Variants in SSBP2 observed in about 807,000 individuals in gnomAD.
SSBP2 encodes the protein single stranded DNA binding protein 2.
A neutral mutation model predicts 61.8 loss-of-function variants in SSBP2; 17 were observed. The observed-to-expected ratio is 0.28, with a 90% CI of 0.19 to 0.41. The LOEUF (loss-of-function observed/expected upper bound fraction) is 0.41, where lower values mean the gene tolerates loss of function less well. SSBP2 is among the 10% of genes least tolerant of loss of function. The probability of loss-of-function intolerance (pLI) is 1.00; values close to 1 mark genes in which losing one functional copy is unlikely to be tolerated. For missense variants in SSBP2, 310 were observed against 458.7 expected, an observed-to-expected ratio of 0.68 and a Z score of 2.96; for synonymous variants, 139 against 141.3, an observed-to-expected ratio of 0.98 and a Z score of 0.12.
intron 4 of SSBP2, among the ~76,000 whole-genome samples, chr5:81,583,576 C>A (rs1189046922): frequency 6.6e-6 from 1 of 150,648 alleles, no homozygotes; most frequent in Admixed American, 6.6e-5. Context: ...CTTGCAGTGA[C>A]CCGAGATTGC....
At position 81,420,395 on chromosome 5, in the gene SSBP2, G is replaced by T; in HGVS notation, c.*109C>A. 2 of 1,118,104 alleles carry T rather than the reference G, an allele frequency of 1.8e-6. No individual in the cohort carries two copies. The highest frequency in any genetic ancestry group is 1.3e-5 in the South Asian group (1 of 75,720). 69.3% of individuals were successfully genotyped at this position (1,118,104 alleles called of 1,614,324 possible). A position where few individuals can be genotyped will look rare whatever the true frequency, so the allele number is the denominator to read the frequency against. ...GGAAATAAAAAGGTTGGTTTGGTGT[G>T]ACTGAGATTCCTTTGTTTAACTGTA... is the stretch of plus-strand genomic sequence containing the variant. On this transcript the variant is annotated 3_prime_UTR_variant, in exon 17 of 17. Transcript: ENST00000320672.
At chr5:81,533,121 G>A (rs1770543841) in intron 4 of SSBP2, among the ~76,000 whole-genome samples, 1 of 151,728 alleles carries the variant, frequency 6.6e-6, no homozygotes, top group African/African-American at 2.4e-5. Context: ...CACCAAAATA[G>A]ACCATATTCT....
intron 4 of SSBP2, among the ~76,000 whole-genome samples, chr5:81,582,240 ATAAAG>A (rs1774712039): frequency 6.6e-6 from 1 of 152,298 alleles, no homozygotes; most frequent in South Asian, 2.1e-4. Flanking sequence ...AGTAAAATAA[ATAAAG>A]TATTTAACAA....
rs554089442 is a variant in SSBP2, at chr5:81,449,678, A to G, written c.688-853T>C. Among the ~76,000 whole-genome samples the G allele has an allele frequency of 9.2e-5, 14 of 152,336 alleles. No individual in the cohort carries two copies. The South Asian group carries it at 2.9e-3, about 32-fold the overall frequency. On this transcript the variant is annotated intron_variant, in intron 10 of 16. Transcript: ENST00000320672. ...AAACACAAAAATAATATGAAACCAT[A>G]AAGTAAGTATAAGGAAGTACAACCA...
At chr5:81,558,330 G>A (rs1388493040) in intron 4 of SSBP2, among the ~76,000 whole-genome samples, 2 of 152,170 alleles carry the variant, frequency 1.3e-5, no homozygotes, top group African/African-American at 4.8e-5. Flanking sequence ...CAGTTCTGGA[G>A]GCTATGAAGT....
At chr5:81,622,850 A>C (rs2071552621) in intron 3 of SSBP2, among the ~76,000 whole-genome samples, 1 of 152,260 alleles carries the variant, frequency 6.6e-6, no homozygotes, top group Non-Finnish European at 1.5e-5. Flanking sequence ...TAATTAATTC[A>C]GTAAAGTAAG....
chr5:81,429,975 A>C (rs973669205), intron 15 of SSBP2, among the ~76,000 whole-genome samples: 2 of 152,276 alleles, frequency 1.3e-5, no homozygotes, highest in Middle Eastern at 3.4e-3. Flanking sequence ...CATAAAGAGG[A>C]TTCTATTTTT....
At chr5:81,509,205 G>A (rs1200272979) in intron 5 of SSBP2, among the ~76,000 whole-genome samples, 1 of 152,114 alleles carries the variant, frequency 6.6e-6, no homozygotes, top group Non-Finnish European at 1.5e-5. Context: ...TTACTTTAAG[G>A]AGCCACATCA....
chr5:81,606,819 T>C (rs951145289), intron 4 of SSBP2, among the ~76,000 whole-genome samples: 3 of 152,192 alleles, frequency 2.0e-5, no homozygotes, highest in African/African-American at 7.2e-5. Flanking sequence ...GTTATATTCC[T>C]GGTCTGGAAA....
chr5:81,704,047 G>A (rs1304928917), intron 1 of SSBP2, among the ~76,000 whole-genome samples: 1 of 152,204 alleles, frequency 6.6e-6, no homozygotes, highest in African/African-American at 2.4e-5. Flanking sequence ...GCTGAGCCAC[G>A]TGGAACAGTC....
intron 1 of SSBP2, among the ~76,000 whole-genome samples, chr5:81,689,641 A>G (rs1051795899): frequency 6.6e-6 from 1 of 152,216 alleles, no homozygotes; most frequent in Admixed American, 6.5e-5. Context: ...AGAAATAAAA[A>G]CTTTCCCAAA....
intron 4 of SSBP2, among the ~76,000 whole-genome samples, chr5:81,525,535 T>A (rs918789166): frequency 6.6e-6 from 1 of 152,074 alleles, no homozygotes; most frequent in East Asian, 1.9e-4. Context: ...AGGGACTGTA[T>A]CTGCCACTGG....
chr5:81,422,198 C>G (rs777901465), intron 16 of SSBP2, among the ~76,000 whole-genome samples: 1 of 152,152 alleles, frequency 6.6e-6, no homozygotes, highest in South Asian at 2.1e-4. Flanking sequence ...CCTGGGTAGG[C>G]GAGCACGAAC....
At chr5:81,714,975 A>T (rs1484213192) in intron 1 of SSBP2, among the ~76,000 whole-genome samples, 1 of 152,190 alleles carries the variant, frequency 6.6e-6, no homozygotes, top group African/African-American at 2.4e-5. Flanking sequence ...AATTGTTTTA[A>T]TCTGTGGAGG....
intron 4 of SSBP2, among the ~76,000 whole-genome samples, chr5:81,551,651 C>T (rs1772198065): frequency 6.6e-6 from 1 of 152,006 alleles, no homozygotes; most frequent in Admixed American, 6.6e-5. Flanking sequence ...GCATTTCTTC[C>T]AGTAAAGCTC....
intron 1 of SSBP2, among the ~76,000 whole-genome samples, chr5:81,660,646 C>A (rs1272023311): frequency 6.6e-5 from 10 of 152,174 alleles, no homozygotes; most frequent in African/African-American, 2.2e-4. Flanking sequence ...ACCCAGCAAT[C>A]CCATTACTGG....
intron 5 of SSBP2, among the ~76,000 whole-genome samples, chr5:81,507,499 T>C (rs138419419): frequency 6.4e-4 from 97 of 152,238 alleles, no homozygotes; most frequent in Non-Finnish European, 9.0e-4. Flanking sequence ...CAAAGGTCTA[T>C]ATAGAGTTCA....
chr5:81,717,461 A>G (rs1056576322), intron 1 of SSBP2, among the ~76,000 whole-genome samples: 2 of 152,210 alleles, frequency 1.3e-5, no homozygotes, highest in African/African-American at 4.8e-5. Flanking sequence ...TGCCTTCTAC[A>G]TGACATGTAG....
At chr5:81,736,671 A>G (rs1290269734) in intron 1 of SSBP2, among the ~76,000 whole-genome samples, 1 of 152,250 alleles carries the variant, frequency 6.6e-6, no homozygotes, top group East Asian at 1.9e-4. Flanking sequence ...TACTCAAATA[A>G]TAAAAAGTAT....
Sources: gnomAD v4.1 joint callset for allele counts (sites outside exome capture counted in the v4.1 genomes callset) on GRCh38, gnomAD v4.1.1 for gene constraint, MANE v1.5 for transcripts, NCBI Gene and HGNC (gene_info 2026-07-23, HGNC 2026-07-21) for gene names.